Variants in MTFR1 observed in about 807,000 individuals in gnomAD.
MTFR1 encodes chondrocyte protein with a poly-proline region.
A neutral mutation model predicts 38.8 loss-of-function variants in MTFR1; 28 were observed. The observed-to-expected ratio is 0.72, with a 90% CI of 0.53 to 0.99. The LOEUF (loss-of-function observed/expected upper bound fraction) is 0.99. Ranked by LOEUF, MTFR1 falls within the 50% of genes least tolerant of loss-of-function variation. The pLI, the probability that MTFR1 is intolerant of heterozygous loss-of-function variation, is 0.00. For synonymous variants in MTFR1, 145 were observed against 137.0 expected (o/e 1.06, Z -0.41); for missense variants, 358 against 395.5 (o/e 0.91, Z 0.81).
intron 1 of MTFR1, among the ~76,000 whole-genome samples, chr8:65,650,259 G>A (rs376738535): frequency 1.5e-4 from 17 of 115,372 alleles, no homozygotes; most frequent in East Asian, 5.2e-4. Flanking sequence ...TGCAACCTCC[G>A]CCTCCCAGGT....
chr8:65,711,473 G>A (rs111803887), downstream of MTFR1, among the ~76,000 whole-genome samples: 88 of 152,278 alleles, frequency 5.8e-4, no homozygotes, highest in African/African-American at 2.0e-3. Context: ...TCAGGAGTTC[G>A]CCCAACAAAG....
intron 2 of MTFR1, among the ~76,000 whole-genome samples, chr8:65,717,021 AC>A (rs1236925994): frequency 6.6e-6 from 1 of 152,192 alleles, no homozygotes; most frequent in East Asian, 1.9e-4. Flanking sequence ...AAGACTTAGT[AC>A]CCCCCAAAAG....
intron 3 of MTFR1, among the ~76,000 whole-genome samples, chr8:65,739,123 A>C (rs1453057657): frequency 1.3e-5 from 2 of 152,232 alleles, no homozygotes; most frequent in Admixed American, 1.3e-4. Context: ...GGCTAATTGT[A>C]AAATAAATAA....
rs189934292 is a variant in MTFR1, at chr8:65,705,301, C to T, written c.517+372C>T. ...ATCATGCCACTGCACTCCGGCCTGG[C>T]GACAGAGCAAGGCTTCTTCTCAAAA... On this transcript the variant is annotated intron_variant, in intron 5 of 7. Coordinates refer to ENST00000262146, the MANE Select transcript of MTFR1 (RefSeq NM_014637.4). 9.9e-4 allele frequency among the ~76,000 whole-genome samples: 151 copies of T among 152,168 alleles called. 1 individual carries two copies. Among genetic ancestry groups the T allele is most frequent in the African/African-American group, 3.2e-3 (132 of 41,516 alleles).
chr8:65,653,268 G>A (rs1809168868), intron 1 of MTFR1, among the ~76,000 whole-genome samples: 1 of 152,116 alleles, frequency 6.6e-6, no homozygotes, highest in Admixed American at 6.6e-5. Flanking sequence ...CAGCACTTTG[G>A]GAGGCCGAGG....
chr8:65,649,863 G>A (rs1216004134), intron 1 of MTFR1, among the ~76,000 whole-genome samples: 1 of 150,702 alleles, frequency 6.6e-6, no homozygotes, highest in East Asian at 2.0e-4. Flanking sequence ...TTTTGAGATG[G>A]AGTCTCGCTC....
intron 3 of MTFR1, chr8:65,722,369 C>T (rs912776310): frequency 1.3e-5 from 2 of 152,268 alleles, no homozygotes; most frequent in Admixed American, 6.5e-5. Flanking sequence ...CCATTGCAAT[C>T]ACAATGTAAG....
intron 2 of MTFR1, among the ~76,000 whole-genome samples, chr8:65,677,944 A>G (rs570429517): frequency 6.7e-6 from 1 of 149,742 alleles, no homozygotes; most frequent in Non-Finnish European, 1.5e-5. Context: ...TGAACCTGGG[A>G]GGCAGAGGTT....
intron 1 of MTFR1, among the ~76,000 whole-genome samples, chr8:65,663,998 T>C (rs996326330): frequency 6.6e-6 from 1 of 152,128 alleles, no homozygotes; most frequent in Non-Finnish European, 1.5e-5. Flanking sequence ...GTATTTTTAG[T>C]AGAGACGGGG....
intron 3 of MTFR1, among the ~76,000 whole-genome samples, chr8:65,751,618 A>C (rs1361571514): frequency 6.6e-6 from 1 of 151,966 alleles, no homozygotes; most frequent in Non-Finnish European, 1.5e-5. Context: ...TCAGCCTCTC[A>C]AGTAGCTAGG....
At chr8:65,683,202 G>A (rs1247195483) in intron 3 of MTFR1, among the ~76,000 whole-genome samples, 1 of 146,310 alleles carries the variant, frequency 6.8e-6, no homozygotes, top group African/African-American at 2.6e-5. Flanking sequence ...CAGGATCTCA[G>A]CTCACTGCAA....
rs1332481894 is a variant in MTFR1, at chr8:65,727,068, ACATT to A, written c.*48+7592_*48+7595del. The A allele has an allele frequency of 4.0e-6, 4 of 995,292 alleles. No homozygotes were observed. The South Asian group carries it at 4.2e-5, about 10-fold the overall frequency. 61.7% of individuals were successfully genotyped at this position (995,292 alleles called of 1,614,324 possible). A position where few individuals can be genotyped will look rare whatever the true frequency, so the allele number is the denominator to read the frequency against. ...CAATATTAATCTGGTTAAAATTCTAACATTCATTGAGAATTTATTTTCATTACTT... is the reference window on the plus strand; with the variant it reads ...CAATATTAATCTGGTTAAAATTCTAACATTGAGAATTTATTTTCATTACTT... On this transcript the variant is annotated intron_variant, in intron 3 of 3. Coordinates refer to the MTFR1 transcript ENST00000521247.
At chr8:65,681,671 G>GTTTTTTTTTT (rs200580429) in intron 2 of MTFR1, among the ~76,000 whole-genome samples, 37 of 108,276 alleles carry the variant, frequency 3.4e-4, no homozygotes, top group Middle Eastern at 4.5e-3. Flanking sequence ...TGTTGTTTTT[G>GTTTTTTTTTT]TTTTTTTTTT....
intron 3 of MTFR1, among the ~76,000 whole-genome samples, chr8:65,743,898 T>C (rs529292857): frequency 6.6e-6 from 1 of 152,042 alleles, no homozygotes; most frequent in South Asian, 2.1e-4. Context: ...AATGGCGCGA[T>C]CTCAGCTCAC....
intron 1 of MTFR1, among the ~76,000 whole-genome samples, chr8:65,660,533 G>A (rs949200308): frequency 1.3e-5 from 2 of 152,180 alleles, no homozygotes; most frequent in Non-Finnish European, 2.9e-5. Context: ...TACTCAGCTT[G>A]AGCTTGGATA....
chr8:65,668,668 C>T (rs1804468848), intron 1 of MTFR1, among the ~76,000 whole-genome samples: 1 of 151,612 alleles, frequency 6.6e-6, no homozygotes, highest in Non-Finnish European at 1.5e-5. Context: ...TTCCTGCTAC[C>T]ACGCCCAGCT....
chr8:65,659,082 AGTACCAGAGAGCACT>A (rs1809343026), intron 1 of MTFR1, among the ~76,000 whole-genome samples: 1 of 152,182 alleles, frequency 6.6e-6, no homozygotes, highest in Admixed American at 6.5e-5. Context: ...TAGACAAACA[AGTACCAGAGAGCACT>A]GTGAAGAAGT....
At chr8:65,702,148 A>C (rs964689862) in intron 4 of MTFR1, among the ~76,000 whole-genome samples, 1 of 152,106 alleles carries the variant, frequency 6.6e-6, no homozygotes, top group Non-Finnish European at 1.5e-5. Flanking sequence ...TGTAGCCTAC[A>C]ACACTCCTGC....
chr8:65,744,125 G>A (rs1807564804), intron 3 of MTFR1, among the ~76,000 whole-genome samples: 1 of 152,044 alleles, frequency 6.6e-6, no homozygotes, highest in South Asian at 2.1e-4. Context: ...GAGCCACCAC[G>A]CCCAGCCTAG....
Sources: allele counts gnomAD v4.1 joint callset (sites outside exome capture counted in the v4.1 genomes callset), GRCh38; gene constraint gnomAD v4.1.1; transcripts MANE v1.5; gene names NCBI Gene and HGNC (gene_info 2026-07-23, HGNC 2026-07-21).